The following GNAO1 variants were observed in gnomAD, a reference collection of about 807,000 sequenced individuals.
GNAO1 encodes the protein guanine nucleotide-binding protein G(o) subunit alpha.
For synonymous variants in GNAO1, 164 were observed against 180.7 expected (o/e 0.91, Z 0.74); for missense variants, 166 against 478.7 (o/e 0.35, Z 6.10).
At chr16:56,329,593 A>T (rs2037669214) in intron 4 of GNAO1, among the ~76,000 whole-genome samples, 1 of 152,200 alleles carries the variant, frequency 6.6e-6, no homozygotes, top group Non-Finnish European at 1.5e-5. Context: ...TTGGTCAGGG[A>T]CATGTCTTCT....
At chr16:56,198,590 TCA>T (rs1188702337) in intron 2 of GNAO1, among the ~76,000 whole-genome samples, 1 of 152,212 alleles carries the variant, frequency 6.6e-6, no homozygotes, top group Non-Finnish European at 1.5e-5. Flanking sequence ...ATTTGGTGCC[TCA>T]GTTTCCTTAC....
intron 2 of GNAO1, among the ~76,000 whole-genome samples, chr16:56,262,500 G>A (rs1227693272): frequency 6.6e-6 from 1 of 152,096 alleles, no homozygotes; most frequent in African/African-American, 2.4e-5. Flanking sequence ...TAATGAGCAG[G>A]AACATAAATA....
At chr16:56,313,512 C>G (rs2037479158) in intron 3 of GNAO1, among the ~76,000 whole-genome samples, 1 of 152,006 alleles carries the variant, frequency 6.6e-6, no homozygotes, top group Non-Finnish European at 1.5e-5. Flanking sequence ...TCATGTCCAG[C>G]CTGATAGAAA....
chr16:56,247,482 G>GTTTT (rs61650674), intron 2 of GNAO1, among the ~76,000 whole-genome samples: 3 of 119,670 alleles, frequency 2.5e-5, no homozygotes, highest in Non-Finnish European at 3.5e-5. Context: ...TTAGGGTGAG[G>GTTTT]TTTTTTTTTT....
chr16:56,331,696 C>A (rs1196343319), intron 4 of GNAO1, among the ~76,000 whole-genome samples: 1 of 152,226 alleles, frequency 6.6e-6, no homozygotes, highest in East Asian at 1.9e-4. Context: ...CAAGCTCCAT[C>A]CCAGAAGCAC....
intron 3 of GNAO1, chr16:56,307,569 C>G (rs1358763515): frequency 2.0e-5 from 3 of 152,250 alleles, no homozygotes; most frequent in Non-Finnish European, 4.4e-5. Context: ...TCACAGGAGC[C>G]CTGGGAGGAG....
In GNAO1 at chr16:56,311,300, CAG is replaced by C. The variant is rs2037456076; in HGVS notation, c.304-17326_304-17325del. Among the ~76,000 whole-genome samples the C allele has an allele frequency of 1.3e-5, 2 of 152,148 alleles. No individual in the cohort carries two copies. Among genetic ancestry groups the C allele is most frequent in the South Asian group, 2.1e-4 (1 of 4,812 alleles). On this transcript the variant is annotated intron_variant, in intron 3 of 8. Transcript: ENST00000262493. The surrounding 1 kb of genome is among the most constrained non-coding windows in gnomAD (Gnocchi z 5.2). ...GTGGCATTTGGTGGCCCTGTAGTTT[CAG>C]AGAGTGAGTGCCAACCTGAGCTGGT...
Position 56,351,575 on chromosome 16 carries a change from C to T in GNAO1, c.877+38C>T, listed in dbSNP as rs1055948169. ...CAGTCCTGTGCAGGGGGAAGCCTGC[C>T]CCTGACAGGGACCCATGGCTCAGAG... On this transcript the variant is annotated intron_variant, in intron 7 of 8. Transcript: ENST00000262493. This position sits in a 1 kb window ranked among gnomAD's most constrained non-coding sequence, Gnocchi z 6.1. The T allele has an allele frequency of 2.6e-6, 4 of 1,546,520 alleles. No homozygotes were observed. The African/African-American group carries it at 4.1e-5, about 16-fold the overall frequency.
intron 6 of GNAO1, among the ~76,000 whole-genome samples, chr16:56,338,400 A>G (rs2037763617): frequency 6.6e-6 from 1 of 152,164 alleles, no homozygotes; most frequent in South Asian, 2.1e-4. Flanking sequence ...ACCCAGACTC[A>G]CTGACCACCC....
At chr16:56,335,403 C>T (rs1005890224) in intron 5 of GNAO1, among the ~76,000 whole-genome samples, 6 of 152,200 alleles carry the variant, frequency 3.9e-5, no homozygotes, top group East Asian at 1.9e-4. Flanking sequence ...AGGGGCCTGA[C>T]GGGTGAGCTG....
chr16:56,252,661 A>G (rs2036809869), intron 2 of GNAO1, among the ~76,000 whole-genome samples: 1 of 152,180 alleles, frequency 6.6e-6, no homozygotes, highest in Admixed American at 6.5e-5. Context: ...TTTGCTTGAT[A>G]CTTTCGCATA....
chr16:56,200,916 A>G (rs1243395808), intron 2 of GNAO1, among the ~76,000 whole-genome samples: 1 of 152,194 alleles, frequency 6.6e-6, no homozygotes, highest in Non-Finnish European at 1.5e-5. Context: ...TGCAACAGAG[A>G]GAAGGCTCTG....
At chr16:56,344,114 C>A (rs1289952339) in intron 6 of GNAO1, 4 of 1,450,272 alleles carry the variant, frequency 2.8e-6, no homozygotes, top group Non-Finnish European at 2.7e-6. Flanking sequence ...CCGCACCCCC[C>A]AACAGAACTT....
chr16:56,224,504 G>A (rs144031945), intron 2 of GNAO1, among the ~76,000 whole-genome samples: 2,615 of 152,278 alleles, frequency 0.017, 63 homozygotes, highest in African/African-American at 0.057. Context: ...TTGAGGCAGA[G>A]TCTCACTCTG....
intron 4 of GNAO1, among the ~76,000 whole-genome samples, chr16:56,333,694 A>G (rs9937314): frequency 3.3e-5 from 5 of 152,234 alleles, no homozygotes; most frequent in African/African-American, 1.2e-4. Flanking sequence ...GCTGGTCAGC[A>G]TGCCCATCTC....
chr16:56,274,721 A>C (rs1408030429), intron 2 of GNAO1, among the ~76,000 whole-genome samples: 15 of 151,914 alleles, frequency 9.9e-5, no homozygotes. Context: ...AGCCGAATTT[A>C]TAGAAACAAA....
intron 6 of GNAO1, among the ~76,000 whole-genome samples, chr16:56,350,398 A>T (rs1385834773): frequency 6.6e-6 from 1 of 152,148 alleles, no homozygotes; most frequent in African/African-American, 2.4e-5. Flanking sequence ...CCTGTGCAGA[A>T]ATGGATTCGT....
chr16:56,193,826 C>G lies in GNAO1; in HGVS notation c.161+1210C>G, dbSNP rs538914650. The G allele has an allele frequency of 4.2e-3, 1,462 of 346,028 alleles. 9 individuals are homozygous for G. Among genetic ancestry groups the G allele is most frequent in the South Asian group, 0.01 (463 of 44,426 alleles). 21.4% of individuals were successfully genotyped at this position (346,028 alleles called of 1,614,324 possible). A position where few individuals can be genotyped will look rare whatever the true frequency, so the allele number is the denominator to read the frequency against. ...GGAGGAGTTCGTTTAGACCGTTTAG[C>G]GAAGATTCCACGTCGCTTTGCTGTG... On this transcript the variant is annotated intron_variant, in intron 2 of 8. Coordinates refer to ENST00000262493, the MANE Select transcript of GNAO1 (RefSeq NM_020988.3).
At chr16:56,343,824 G>C (rs2037832812) in intron 6 of GNAO1, 1 of 1,581,234 alleles carries the variant, frequency 6.3e-7, no homozygotes. Context: ...GCAAGAACAA[G>C]TCAGCCCACA....
Sources: gnomAD v4.1 joint callset for allele counts (sites outside exome capture counted in the v4.1 genomes callset) on GRCh38, gnomAD v4.1.1 for gene constraint, Gnocchi (gnomAD v3.1) non-coding constraint, MANE v1.5 for transcripts, NCBI Gene and HGNC (gene_info 2026-07-23, HGNC 2026-07-21) for gene names.